SHROOM2: variants seen among roughly 807,000 people sequenced by gnomAD.
The protein encoded by SHROOM2 is shroom family member 2.
A neutral mutation model predicts 75.9 loss-of-function variants in SHROOM2; 33 were observed. The ratio of observed to expected loss-of-function variants is 0.43; its 90% CI spans 0.33 to 0.58. The LOEUF is 0.58. Among genes scored for constraint, SHROOM2 ranks in the 20% least tolerant of loss-of-function variants. The pLI is 0.04. For missense variants in SHROOM2, 1,434 were observed against 1,461.2 expected, an observed-to-expected ratio of 0.98 and a Z score of 0.30; for synonymous variants, 655 against 663.6, an observed-to-expected ratio of 0.99 and a Z score of 0.20.
At chrX:9,825,958 C>A (rs944082939) in intron 1 of SHROOM2, among the ~76,000 whole-genome samples, 23 of 112,454 alleles carry the variant, frequency 2.0e-4, no homozygotes, top group African/African-American at 7.1e-4. Context: ...TCCCACAGAA[C>A]CTCTGTGTGT....
intron 1 of SHROOM2, among the ~76,000 whole-genome samples, chrX:9,859,675 G>T (rs1454468007): frequency 8.9e-6 from 1 of 111,913 alleles, no homozygotes; most frequent in African/African-American, 3.3e-5. Flanking sequence ...CTGCAGGCAA[G>T]AAAGACCACT....
intron 1 of SHROOM2, among the ~76,000 whole-genome samples, chrX:9,799,964 A>T (rs185927120): frequency 6.6e-4 from 73 of 111,380 alleles, no homozygotes; most frequent in Admixed American, 4.1e-3. Flanking sequence ...ACCTTCTCTA[A>T]TTCTGAATTT....
At chrX:9,858,430 C>T (rs888214760) in intron 1 of SHROOM2, among the ~76,000 whole-genome samples, 2 of 112,599 alleles carry the variant, frequency 1.8e-5, no homozygotes, top group African/African-American at 6.5e-5. Flanking sequence ...CGCCTTTTCA[C>T]TTTGAAAATG....
At chrX:9,858,146 AC>A (rs1320626299) in intron 1 of SHROOM2, among the ~76,000 whole-genome samples, 1 of 111,715 alleles carries the variant, frequency 9.0e-6, no homozygotes, top group Non-Finnish European at 1.9e-5. Context: ...TCCATATGTT[AC>A]CCAATAAAAA....
chrX:9,900,103 A>G (rs372291838), intron 5 of SHROOM2, among the ~76,000 whole-genome samples: 3 of 111,455 alleles, frequency 2.7e-5, no homozygotes, highest in African/African-American at 6.5e-5. Flanking sequence ...CATCAAGGCC[A>G]TGTCTCCCAG....
intron 1 of SHROOM2, among the ~76,000 whole-genome samples, chrX:9,808,349 G>C (rs2083768347): frequency 9.9e-6 from 1 of 100,850 alleles, no homozygotes; most frequent in Non-Finnish European, 2.0e-5. Context: ...TTCGAGACCA[G>C]ACTGGGCAAT....
Position 9,931,560 on chromosome X carries a change from T to C in SHROOM2, c.2892-615T>C, listed in dbSNP as rs185045900. Among the ~76,000 whole-genome samples the C allele has an allele frequency of 5.4e-5, 6 of 110,984 alleles. No homozygotes were observed. The East Asian group carries it at 1.1e-3, about 21-fold the overall frequency. ...TACTTGGGAAGCTGAGGTGGTAGGA[T>C]TGCTTGAGTCCAGGAGTTCGAGGCT... On this transcript the variant is annotated intron_variant, in intron 5 of 9. Transcript: ENST00000380913.
At chrX:9,867,002 G>T (rs2084143241) in intron 1 of SHROOM2, among the ~76,000 whole-genome samples, 1 of 109,964 alleles carries the variant, frequency 9.1e-6, no homozygotes, top group Non-Finnish European at 1.9e-5. Flanking sequence ...CCCTCATGCT[G>T]CCACTGCAGG....
At chrX:9,890,378 A>G (rs942528838) in intron 2 of SHROOM2, among the ~76,000 whole-genome samples, 1 of 113,056 alleles carries the variant, frequency 8.8e-6, no homozygotes, top group African/African-American at 3.2e-5. Context: ...AAAATAAAAT[A>G]AAAATAAAGA....
chrX:9,792,061 GAAT>G (rs1170487262), intron 1 of SHROOM2, among the ~76,000 whole-genome samples: 1 of 3,491 alleles, frequency 2.9e-4, no homozygotes, highest in Non-Finnish European at 6.7e-4. Context: ...GAATAGAATA[GAAT>G]AGAATAGAAT....
chrX:9,882,575 G>A (rs1035983301), intron 2 of SHROOM2, among the ~76,000 whole-genome samples: 2 of 111,505 alleles, frequency 1.8e-5, no homozygotes, highest in African/African-American at 6.5e-5. Flanking sequence ...CAAGTCATTC[G>A]GGTCTGCTCC....
At chrX:9,932,914 G>T in intron 6 of SHROOM2, 44 bp downstream of exon 6, 1 of 1,079,706 alleles carries the variant, frequency 9.3e-7, no homozygotes. Flanking sequence ...GGCTCCTAAT[G>T]TGGGACGCGG....
In SHROOM2 at chrX:9,894,609, A is replaced by G; in HGVS notation, c.701A>G (p.Asn234Ser). 1 of 1,211,676 alleles carries G rather than the reference A, an allele frequency of 8.3e-7. No individual in the cohort carries two copies. Among genetic ancestry groups the G allele is most frequent in the Non-Finnish European group, 1.1e-6 (1 of 895,431 alleles). ...LSKADTSSAENILYTVGLWEA... is the reference protein window; with the variant it reads ...LSKADTSSAESILYTVGLWEA... Reference sequence around the variant, plus strand: ...AAAGCCGACACGTCCTCCGCAGAGAACATCCTCTACACTGTGGGCCTCTGG... The same window carrying G: ...AAAGCCGACACGTCCTCCGCAGAGAGCATCCTCTACACTGTGGGCCTCTGG... Residue 234 changes from asparagine to serine, a missense_variant, in exon 4 of 10, where the codon AAC (asparagine) becomes AGC (serine). Around this residue, in one of 3 missense-constraint regions of SHROOM2, gnomAD observed 1,340 missense variants for 1,338.3 expected, o/e 1.00. Transcript: ENST00000380913.
At chrX:9,886,528 TACA>T (rs2084261830) in intron 2 of SHROOM2, among the ~76,000 whole-genome samples, 1 of 112,109 alleles carries the variant, frequency 8.9e-6, no homozygotes, top group Non-Finnish European at 1.9e-5. Flanking sequence ...ATTCACATCA[TACA>T]ACCAATCTCC....
At chrX:9,878,104 T>C (rs1432955143) in intron 2 of SHROOM2, among the ~76,000 whole-genome samples, 1 of 112,270 alleles carries the variant, frequency 8.9e-6, no homozygotes, top group Non-Finnish European at 1.9e-5. Flanking sequence ...TATCACATCA[T>C]AAATTATTTT....
At chrX:9,787,309 G>T (rs2083620185) in intron 1 of SHROOM2, among the ~76,000 whole-genome samples, 1 of 106,386 alleles carries the variant, frequency 9.4e-6, no homozygotes, top group Admixed American at 1.0e-4. Context: ...TAATAATAAA[G>T]AAATTCCAGA....
At chrX:9,872,805 T>C (rs940465756) in intron 1 of SHROOM2, among the ~76,000 whole-genome samples, 1 of 112,055 alleles carries the variant, frequency 8.9e-6, no homozygotes, top group Non-Finnish European at 1.9e-5. Context: ...GTACAGCTGC[T>C]GTAGAAAACA....
intron 1 of SHROOM2, among the ~76,000 whole-genome samples, chrX:9,832,578 A>G (rs2083922090): frequency 9.0e-6 from 1 of 111,673 alleles, no homozygotes; most frequent in African/African-American, 3.3e-5. Flanking sequence ...TGGGATAGGG[A>G]GCGGGCACAG....
Position 9,813,116 on chromosome X carries a change from A to T in SHROOM2, c.165+26406A>T, listed in dbSNP as rs1396309184. ...ATTAATTTCTGCAATCCTTCTGGGG[A>T]TGTGACATTGTTTTTGATTTACTCT... On this transcript the variant is annotated intron_variant, in intron 1 of 9. Transcript: ENST00000380913. 2.7e-5 allele frequency among the ~76,000 whole-genome samples: 3 copies of T among 111,728 alleles called. No individual in the cohort carries two copies. In the East Asian group the frequency reaches 8.5e-4, roughly 32 times the overall value.
Sources: allele counts gnomAD v4.1 joint callset (sites outside exome capture counted in the v4.1 genomes callset), GRCh38; gene constraint gnomAD v4.1.1; regional missense constraint gnomAD v4.1.1; transcripts MANE v1.5; gene names NCBI Gene and HGNC (gene_info 2026-07-23, HGNC 2026-07-21).